Variants in P4HA1 observed in about 807,000 individuals in gnomAD.
The protein encoded by P4HA1 is prolyl 4-hydroxylase subunit alpha 1, also known as prolyl 4-hydroxylase subunit alpha-1.
A neutral mutation model predicts 72.8 loss-of-function variants in P4HA1; 24 were observed. That is an observed-to-expected ratio of 0.33 (90% CI 0.24 to 0.46). The LOEUF is 0.46. Ranked by LOEUF, P4HA1 falls within the 20% of genes least tolerant of loss-of-function variation. The pLI, the probability that P4HA1 is intolerant of heterozygous loss-of-function variation, is 1.00. For missense variants in P4HA1, 446 were observed against 640.6 expected, an observed-to-expected ratio of 0.70 and a Z score of 3.28; for synonymous variants, 201 against 218.8, an observed-to-expected ratio of 0.92 and a Z score of 0.72.
chr10:73,030,395 T>G, intron 9 of P4HA1, 25 bp from the exon 10 acceptor site: 1 of 1,251,268 alleles, frequency 8.0e-7, no homozygotes, highest in Non-Finnish European at 1.1e-6. Context: ...AATATTAGTT[T>G]TATTGATAAT....
intron 11 of P4HA1, among the ~76,000 whole-genome samples, 186 bp downstream of exon 11, chr10:73,016,660 C>T (rs1460339473): frequency 6.6e-6 from 1 of 152,156 alleles, no homozygotes; most frequent in Non-Finnish European, 1.5e-5. Flanking sequence ...GCCTGTGATC[C>T]CAGCTACTCG....
intron 1 of P4HA1, among the ~76,000 whole-genome samples, chr10:73,077,910 G>A (rs1841736946): frequency 6.7e-6 from 1 of 150,008 alleles, no homozygotes; most frequent in Non-Finnish European, 1.5e-5. Context: ...GATCACTTGA[G>A]ACCAGGAAGT....
At chr10:73,009,498 GTAC>G in intron 14 of P4HA1, 1 of 209,918 alleles carries the variant, frequency 4.8e-6, no homozygotes, top group Non-Finnish European at 9.8e-6. Flanking sequence ...GTATTAATAT[GTAC>G]TACATTATAA....
At chr10:73,057,439 A>C (rs997492995) in intron 5 of P4HA1, among the ~76,000 whole-genome samples, 7 of 152,324 alleles carry the variant, frequency 4.6e-5, no homozygotes, top group African/African-American at 1.4e-4. Context: ...ACAGTAAGCC[A>C]AGATGGCGCT....
At chr10:73,021,809 T>C in intron 10 of P4HA1, among the ~76,000 whole-genome samples, 1 of 152,192 alleles carries the variant, frequency 6.6e-6, no homozygotes, top group Non-Finnish European at 1.5e-5. Context: ...TTTCCCACAG[T>C]CTTAGCAACT....
chr10:73,026,759 A>T lies in P4HA1; in HGVS notation c.1248+3512T>A, dbSNP rs978891599. 7.2e-5 allele frequency among the ~76,000 whole-genome samples: 11 copies of T among 152,006 alleles called. No homozygotes were observed. In the East Asian group the frequency reaches 1.2e-3, roughly 16 times the overall value. The stretch of plus-strand genomic sequence containing the variant: ...ACAAAGAACTTAAATTTACAAGAAA[A>T]AAACAACCCCATCAAAAAGTGGGCA... On this transcript the variant is annotated intron_variant, in intron 10 of 14. Coordinates refer to ENST00000394890, the MANE Select transcript of P4HA1 (RefSeq NM_001017962.3).
chr10:73,050,165 CA>C (rs549704773), intron 7 of P4HA1, among the ~76,000 whole-genome samples: 2,126 of 82,936 alleles, frequency 0.026, 12 homozygotes, highest in Middle Eastern at 0.052. Context: ...GTTTCTGTCT[CA>C]AAAAAAAAAA....
At chr10:73,008,360 G>A (rs931323988) in intron 14 of P4HA1, 68 bp from the exon 15 acceptor site, 1 of 996,422 alleles carries the variant, frequency 1.0e-6, no homozygotes, top group Non-Finnish European at 1.6e-6. Context: ...GTTTCTAAAA[G>A]CTAGGTCTAT....
At chr10:73,049,331 TAA>T (rs1283169751) in intron 7 of P4HA1, among the ~76,000 whole-genome samples, 1 of 152,208 alleles carries the variant, frequency 6.6e-6, no homozygotes, top group Non-Finnish European at 1.5e-5. Context: ...AAGAAAATGT[TAA>T]ACACTTTTCA....
chr10:73,084,595 T>G (rs1247534543), intron 1 of P4HA1, among the ~76,000 whole-genome samples: 1 of 152,170 alleles, frequency 6.6e-6, no homozygotes, highest in East Asian at 1.9e-4. Flanking sequence ...ATTACAGATG[T>G]GAGCCACCGT....
At chr10:73,011,088 A>G (rs188062355) in intron 12 of P4HA1, 51 bp from the exon 13 acceptor site, 30 of 1,346,932 alleles carry the variant, frequency 2.2e-5, no homozygotes, top group East Asian at 6.9e-5. Flanking sequence ...ATAAAGTAAA[A>G]CATGCCATTA....
At chr10:73,058,900 C>T (rs1476019347) in intron 5 of P4HA1, among the ~76,000 whole-genome samples, 3 of 151,614 alleles carry the variant, frequency 2.0e-5, no homozygotes, top group African/African-American at 7.3e-5. Flanking sequence ...GCCTCACCCT[C>T]CTGAGTAGCT....
At chr10:73,036,006 T>C (rs1840561875) in intron 9 of P4HA1, among the ~76,000 whole-genome samples, 1 of 152,070 alleles carries the variant, frequency 6.6e-6, no homozygotes, top group South Asian at 2.1e-4. Context: ...CTGACCAACG[T>C]GGTGAAACCC....
chr10:73,042,404 C>A (rs1589597812), intron 9 of P4HA1, among the ~76,000 whole-genome samples: 1 of 152,258 alleles, frequency 6.6e-6, no homozygotes, highest in South Asian at 2.1e-4. Context: ...TCTCTGAGTA[C>A]CTCCTAAAAT....
At chr10:73,027,908 T>G (rs1287172400) in intron 10 of P4HA1, among the ~76,000 whole-genome samples, 1 of 140,094 alleles carries the variant, frequency 7.1e-6, no homozygotes, top group Non-Finnish European at 1.5e-5. Context: ...GAGGGAAGAA[T>G]CAGAAATCAT....
chr10:73,064,954 T>C (rs1358832896), intron 5 of P4HA1, among the ~76,000 whole-genome samples: 1 of 152,198 alleles, frequency 6.6e-6, no homozygotes, highest in Non-Finnish European at 1.5e-5. Context: ...CAAGAACACT[T>C]AATGGATCAA....
chr10:73,008,299 G>A lies in P4HA1; in HGVS notation c.1535-7C>T. The A allele has an allele frequency of 6.5e-7, 1 of 1,538,548 alleles. No individual in the cohort carries two copies. Among genetic ancestry groups the A allele is most frequent in the Non-Finnish European group, 9.0e-7 (1 of 1,112,008 alleles). On this transcript the variant is annotated splice_polypyrimidine_tract_variant and splice_region_variant and intron_variant, in intron 14 of 14. Coordinates refer to ENST00000394890, the MANE Select transcript of P4HA1 (RefSeq NM_001017962.3). ...TGGAGCCATTTATTGGATACTGTGA[G>A]AGAAAAGTAATATATTAATTTTCCC...
At chr10:73,017,494 T>C (rs1840038509) in intron 10 of P4HA1, among the ~76,000 whole-genome samples, 1 of 152,156 alleles carries the variant, frequency 6.6e-6, no homozygotes, top group Non-Finnish European at 1.5e-5. Flanking sequence ...TTTTAAAAAT[T>C]TAATACATAA....
intron 10 of P4HA1, among the ~76,000 whole-genome samples, chr10:73,023,187 G>A (rs12571941): frequency 0.16 from 23,878 of 151,916 alleles, 3,180 homozygotes; most frequent in African/African-American, 0.34. Context: ...CACAAGACAC[G>A]TAATTGTCAG....
Sources: gnomAD v4.1 joint callset for allele counts (sites outside exome capture counted in the v4.1 genomes callset) on GRCh38, gnomAD v4.1.1 for gene constraint, MANE v1.5 for transcripts, NCBI Gene and HGNC (gene_info 2026-07-23, HGNC 2026-07-21) for gene names.